The following ADGRB3 variants were observed in gnomAD, a reference collection of about 807,000 sequenced individuals.
ADGRB3 encodes adhesion G protein-coupled receptor B3, also known as brain-specific angiogenesis inhibitor 3.
In ADGRB3, 37 loss-of-function variants were observed where a neutral mutation model predicts 193.4. That is an observed-to-expected ratio of 0.19 (90% CI 0.15 to 0.25). The LOEUF (loss-of-function observed/expected upper bound fraction) is 0.25. Among genes scored for constraint, ADGRB3 ranks in the 10% least tolerant of loss-of-function variants. ADGRB3 has a pLI of 1.00. For synonymous variants in ADGRB3, 690 were observed against 644.2 expected (o/e 1.07, Z -1.08); for missense variants, 1,637 against 1,852.9 (o/e 0.88, Z 2.14).
intron 3 of ADGRB3, among the ~76,000 whole-genome samples, chr6:68,799,413 T>C (rs912068763): frequency 1.3e-5 from 2 of 152,180 alleles, no homozygotes; most frequent in South Asian, 4.1e-4. Flanking sequence ...GAGAAAGAGT[T>C]ATTCATTCAT....
At chr6:69,378,776 T>C (rs1769885744) in intron 30 of ADGRB3, among the ~76,000 whole-genome samples, 1 of 151,986 alleles carries the variant, frequency 6.6e-6, no homozygotes, top group African/African-American at 2.4e-5. Context: ...ACTTGGCATA[T>C]TCCAAGTATT....
At chr6:68,922,498 C>T (rs1002855135) in intron 3 of ADGRB3, among the ~76,000 whole-genome samples, 6 of 152,222 alleles carry the variant, frequency 3.9e-5, no homozygotes, top group African/African-American at 1.4e-4. Context: ...TACTCAGACT[C>T]GTGCATGTGC....
At chr6:68,966,100 C>G (rs1768374585) in intron 8 of ADGRB3, among the ~76,000 whole-genome samples, 1 of 152,132 alleles carries the variant, frequency 6.6e-6, no homozygotes, top group South Asian at 2.1e-4. Context: ...GTCTCGCTAG[C>G]ACATAAGATA....
At chr6:69,337,253 ACAGCCTAT>A (rs1350731756) in intron 24 of ADGRB3, among the ~76,000 whole-genome samples, 6 of 152,088 alleles carry the variant, frequency 3.9e-5, no homozygotes, top group African/African-American at 1.5e-4. Flanking sequence ...TGAACACCAT[ACAGCCTAT>A]CTTCTGTGAT....
At chr6:68,949,420 A>T (rs971390125) in intron 6 of ADGRB3, among the ~76,000 whole-genome samples, 1 of 152,186 alleles carries the variant, frequency 6.6e-6, no homozygotes, top group African/African-American at 2.4e-5. Context: ...GAATCACCTA[A>T]GAGTAGGGCC....
intron 3 of ADGRB3, among the ~76,000 whole-genome samples, chr6:68,784,568 C>G (rs1007126509): frequency 4.6e-5 from 7 of 151,980 alleles, no homozygotes; most frequent in Non-Finnish European, 8.8e-5. Flanking sequence ...TAGCAATTGT[C>G]TACATCTCAA....
Position 68,993,827 on chromosome 6 carries a change from G to A in ADGRB3, c.1794G>A (p.Val598=). ...RMLAGDGMSQ[V]TKTLLDLTQR... ...TGGCAGGTGATGGAATGTCCCAGGT[G>A]ACCAAGACACTGTTGGATTTAACTC... Residue 598 remains valine (V), a synonymous_variant, in exon 11 of 32, where the codon GTG becomes GTA. Coordinates refer to ENST00000370598, the MANE Select transcript of ADGRB3 (RefSeq NM_001704.3). 6.2e-7 allele frequency: 1 copy of A among 1,613,966 alleles called. No homozygotes were observed. Among genetic ancestry groups the A allele is most frequent in the Admixed American group, 1.7e-5 (1 of 60,022 alleles).
At chr6:68,975,445 A>G (rs1221473041) in intron 10 of ADGRB3, 105 bp downstream of exon 10, 1 of 811,844 alleles carries the variant, frequency 1.2e-6, no homozygotes, top group Non-Finnish European at 1.9e-6. Context: ...TAACATCTCT[A>G]AAAAAGAAAT....
intron 3 of ADGRB3, among the ~76,000 whole-genome samples, chr6:68,869,302 A>G (rs1195423255): frequency 6.6e-6 from 1 of 152,200 alleles, no homozygotes; most frequent in African/African-American, 2.4e-5. Context: ...TGTATTTACA[A>G]TTTTAACTAT....
chr6:69,101,587 A>G (rs1692879700), intron 17 of ADGRB3, among the ~76,000 whole-genome samples: 1 of 152,152 alleles, frequency 6.6e-6, no homozygotes. Flanking sequence ...TATTTCTTAT[A>G]AAAATAGACT....
intron 3 of ADGRB3, among the ~76,000 whole-genome samples, chr6:68,696,909 T>C (rs908280172): frequency 6.6e-6 from 1 of 152,084 alleles, no homozygotes; most frequent in Non-Finnish European, 1.5e-5. Flanking sequence ...CTCCTGTAAA[T>C]TGATTCCATT....
At chr6:69,012,774 A>C (rs557892830) in intron 11 of ADGRB3, among the ~76,000 whole-genome samples, 37 of 152,206 alleles carry the variant, frequency 2.4e-4, no homozygotes, top group African/African-American at 8.4e-4. Flanking sequence ...GAGAAGAGGA[A>C]ATTAAGCAGC....
chr6:68,974,477 C>T (rs996940676), intron 8 of ADGRB3, among the ~76,000 whole-genome samples: 6 of 151,790 alleles, frequency 4.0e-5, no homozygotes, highest in South Asian at 2.1e-4. Flanking sequence ...AGAATTAAAA[C>T]AAAAAATCGG....
intron 20 of ADGRB3, among the ~76,000 whole-genome samples, chr6:69,303,156 A>C (rs1333252741): frequency 6.6e-6 from 1 of 151,940 alleles, no homozygotes; most frequent in Non-Finnish European, 1.5e-5. Flanking sequence ...ACTTGGCAGA[A>C]AGTTTCGATT....
At chr6:68,961,146 A>T (rs1207418564) in intron 8 of ADGRB3, among the ~76,000 whole-genome samples, 4 of 152,140 alleles carry the variant, frequency 2.6e-5, no homozygotes, top group African/African-American at 9.7e-5. Context: ...CCAAAATAAG[A>T]TCTCTTTACA....
chr6:69,193,353 G>A (rs1765233451), intron 17 of ADGRB3, among the ~76,000 whole-genome samples: 2 of 152,158 alleles, frequency 1.3e-5, no homozygotes, highest in Admixed American at 1.3e-4. Context: ...AAACTTTTTT[G>A]TGATTCTTTT....
intron 3 of ADGRB3, among the ~76,000 whole-genome samples, chr6:68,874,214 T>C (rs760747651): frequency 9.9e-5 from 15 of 152,156 alleles, no homozygotes; most frequent in Admixed American, 2.0e-4. Flanking sequence ...GATTTCGGTA[T>C]GCATGAAATG....
At chr6:68,957,992 G>A (rs1447898461) in intron 8 of ADGRB3, among the ~76,000 whole-genome samples, 1 of 152,172 alleles carries the variant, frequency 6.6e-6, no homozygotes, top group East Asian at 1.9e-4. Context: ...CCTGAGGTCA[G>A]GAGTTCGAGA....
intron 3 of ADGRB3, among the ~76,000 whole-genome samples, chr6:68,818,956 A>T (rs1456400293): frequency 3.3e-5 from 5 of 152,056 alleles, no homozygotes; most frequent in African/African-American, 1.2e-4. Context: ...TAACATTTGA[A>T]CTGAAAGGAA....
Sources: gnomAD v4.1 joint callset for allele counts (sites outside exome capture counted in the v4.1 genomes callset) on GRCh38, gnomAD v4.1.1 for gene constraint, MANE v1.5 for transcripts, NCBI Gene and HGNC (gene_info 2026-07-23, HGNC 2026-07-21) for gene names.